SLC25A21: variants seen among roughly 807,000 people sequenced by gnomAD.
The protein encoded by SLC25A21 is mitochondrial 2-oxodicarboxylate carrier.
Under a neutral mutation model 43.8 loss-of-function variants are expected in SLC25A21, and 47 were observed. That is an observed-to-expected ratio of 1.07 (90% confidence interval 0.85 to 1.37). The LOEUF (loss-of-function observed/expected upper bound fraction) is 1.37. Ranked by LOEUF, SLC25A21 falls within the 40% of genes most tolerant of loss-of-function variation. The probability of loss-of-function intolerance (pLI) is 0.00; values close to 1 mark genes in which losing one functional copy is unlikely to be tolerated. For synonymous variants in SLC25A21, 131 were observed against 121.3 expected (o/e 1.08, Z -0.52); for missense variants, 352 against 350.2 (o/e 1.00, Z -0.04).
intron 3 of SLC25A21, among the ~76,000 whole-genome samples, chr14:36,790,713 T>C (rs1887455345): frequency 6.6e-6 from 1 of 152,160 alleles, no homozygotes; most frequent in African/African-American, 2.4e-5. Context: ...ATTTTGGAAA[T>C]CCTGTTTAAG....
At chr14:36,799,871 T>C (rs1887807489) in intron 3 of SLC25A21, among the ~76,000 whole-genome samples, 1 of 152,168 alleles carries the variant, frequency 6.6e-6, no homozygotes, top group Non-Finnish European at 1.5e-5. Context: ...TTAAAATAAA[T>C]TTTTAAAAAT....
intron 2 of SLC25A21, among the ~76,000 whole-genome samples, 191 bp downstream of exon 2, chr14:36,874,765 G>A (rs775098279): frequency 2.6e-4 from 39 of 152,156 alleles, no homozygotes; most frequent in Non-Finnish European, 4.4e-4. Flanking sequence ...TACTTCAGAT[G>A]ACCTTCACCC....
At chr14:36,690,883 G>C (rs989514743) in intron 7 of SLC25A21, among the ~76,000 whole-genome samples, 3 of 152,166 alleles carry the variant, frequency 2.0e-5, no homozygotes, top group African/African-American at 7.2e-5. Context: ...TGAATGGCTA[G>C]CTCTCTGAAT....
chr14:36,831,669 A>T (rs1196542369), intron 2 of SLC25A21, among the ~76,000 whole-genome samples: 2 of 152,200 alleles, frequency 1.3e-5, no homozygotes, highest in African/African-American at 4.8e-5. Context: ...AGTTTAAAAT[A>T]AAAAAGGCTC....
chr14:36,903,652 C>T (rs1409632131), intron 1 of SLC25A21, among the ~76,000 whole-genome samples: 2 of 133,482 alleles, frequency 1.5e-5, no homozygotes, highest in Non-Finnish European at 3.2e-5. Flanking sequence ...AATTGGTCGC[C>T]AAAATTTAAA....
chr14:36,954,132 T>C (rs1451122123), intron 1 of SLC25A21, among the ~76,000 whole-genome samples: 1 of 152,158 alleles, frequency 6.6e-6, no homozygotes, highest in African/African-American at 2.4e-5. Context: ...TTATTAATTA[T>C]CATAGTCACT....
intron 1 of SLC25A21, among the ~76,000 whole-genome samples, chr14:37,029,396 C>T (rs1961159829): frequency 6.6e-6 from 1 of 152,130 alleles, no homozygotes. Flanking sequence ...AAATATAAAG[C>T]TTGCTGTTGT....
rs539939932 is a variant in SLC25A21 at position 37,046,569 on chromosome 14, C to A, written c.70+125712G>T. ...GGTCATGTTGATAATACTGTTAAATCCTGAACTTTCTGTTACTGATACTTT... is the reference window on the plus strand; with the variant it reads ...GGTCATGTTGATAATACTGTTAAATACTGAACTTTCTGTTACTGATACTTT... On this transcript the variant is annotated intron_variant, in intron 1 of 9. Coordinates refer to ENST00000331299, the MANE Select transcript of SLC25A21 (RefSeq NM_030631.4). Among the ~76,000 whole-genome samples, 194 of 152,198 alleles carry A rather than the reference C, an allele frequency of 1.3e-3. 1 individual carries two copies. Among genetic ancestry groups the A allele is most frequent in the African/African-American group, 4.6e-3 (189 of 41,530 alleles).
chr14:37,100,028 A>T (rs548823581), intron 1 of SLC25A21, among the ~76,000 whole-genome samples: 1 of 147,206 alleles, frequency 6.8e-6, no homozygotes, highest in African/African-American at 2.5e-5. Flanking sequence ...CACCACCTCT[A>T]TGTTTGTTTG....
intron 3 of SLC25A21, among the ~76,000 whole-genome samples, chr14:36,807,772 A>C (rs550364744): frequency 6.6e-6 from 1 of 152,324 alleles, no homozygotes; most frequent in Admixed American, 6.5e-5. Flanking sequence ...AGCTGTGGGC[A>C]TCACACTTCC....
At chr14:36,959,731 A>G (rs1054634536) in intron 1 of SLC25A21, among the ~76,000 whole-genome samples, 3 of 152,214 alleles carry the variant, frequency 2.0e-5, no homozygotes, top group Non-Finnish European at 4.4e-5. Flanking sequence ...AGTTCCCGGT[A>G]AACAGACCAA....
intron 1 of SLC25A21, among the ~76,000 whole-genome samples, chr14:36,897,998 G>A (rs2138593206): frequency 6.6e-6 from 1 of 152,322 alleles, no homozygotes; most frequent in Admixed American, 6.5e-5. Flanking sequence ...CACTTGAGGA[G>A]GCAGTCTGTC....
intron 1 of SLC25A21, among the ~76,000 whole-genome samples, chr14:37,039,919 G>A (rs1432163823): frequency 1.3e-5 from 2 of 152,116 alleles, no homozygotes; most frequent in African/African-American, 2.4e-5. Flanking sequence ...AGGGGGCTGG[G>A]CGCTGTGGCT....
intron 3 of SLC25A21, among the ~76,000 whole-genome samples, chr14:36,791,548 G>A (rs1887483684): frequency 2.0e-5 from 3 of 152,078 alleles, no homozygotes; most frequent in Admixed American, 6.6e-5. Flanking sequence ...CTTTCCAGAT[G>A]AAAAGATACT....
intron 7 of SLC25A21, among the ~76,000 whole-genome samples, chr14:36,704,626 C>T (rs1883422662): frequency 1.4e-5 from 2 of 138,904 alleles, no homozygotes; most frequent in South Asian, 4.5e-4. Context: ...CACTGCACTC[C>T]AGCCTGGGCA....
intron 1 of SLC25A21, among the ~76,000 whole-genome samples, chr14:36,994,993 T>A (rs528269580): frequency 1.6e-4 from 24 of 152,164 alleles, no homozygotes; most frequent in Non-Finnish European, 3.4e-4. Context: ...AATAAGCAAA[T>A]GACTGAAATT....
chr14:37,138,906 T>C (rs531667758), intron 1 of SLC25A21, among the ~76,000 whole-genome samples: 3 of 152,290 alleles, frequency 2.0e-5, no homozygotes, highest in African/African-American at 7.2e-5. Context: ...ATAAATGATA[T>C]GGTAAATTTG....
chr14:37,017,848 C>T (rs1316973823), intron 1 of SLC25A21, among the ~76,000 whole-genome samples: 2 of 151,906 alleles, frequency 1.3e-5, no homozygotes, highest in Non-Finnish European at 2.9e-5. Flanking sequence ...ATAATATTTT[C>T]CCCTTTTGGA....
chr14:36,985,041 C>T lies in SLC25A21; in HGVS notation c.71-110037G>A, dbSNP rs931340823. Among the ~76,000 whole-genome samples the T allele has an allele frequency of 5.9e-5, 9 of 151,462 alleles. 1 individual carries two copies. The highest frequency in any genetic ancestry group is 9.7e-5 in the African/African-American group (4 of 41,200). On this transcript the variant is annotated intron_variant, in intron 1 of 9. Transcript: ENST00000331299. ...GTCCTTTGTAGGGACATGGATGAAA[C>T]TGGAAATCATCATTCTCAGTAAACT...
Sources: allele counts gnomAD v4.1 joint callset (sites outside exome capture counted in the v4.1 genomes callset), GRCh38; gene constraint gnomAD v4.1.1; transcripts MANE v1.5; gene names NCBI Gene and HGNC (gene_info 2026-07-23, HGNC 2026-07-21).